The following NAV1 variants were observed in gnomAD, a reference collection of about 807,000 sequenced individuals.
NAV1 encodes the protein neuron navigator 1, also known as pore membrane and/or filament interacting like protein 3.
In NAV1, 18 loss-of-function variants were observed where a neutral mutation model predicts 175.2. That is an observed-to-expected ratio of 0.10 (90% CI 0.07 to 0.15). The LOEUF (loss-of-function observed/expected upper bound fraction) is 0.15, where lower values mean the gene tolerates loss of function less well. Among genes scored for constraint, NAV1 ranks in the 10% least tolerant of loss-of-function variants. NAV1 has a pLI of 1.00. For missense variants in NAV1, 1,731 were observed against 2,436.6 expected (o/e 0.71, Z 6.10); for synonymous variants, 897 against 978.7 (o/e 0.92, Z 1.56).
At chr1:201,712,548 T>C (rs1671950887) in intron 1 of NAV1, among the ~76,000 whole-genome samples, 1 of 152,146 alleles carries the variant, frequency 6.6e-6, no homozygotes, top group African/African-American at 2.4e-5. Flanking sequence ...AGGCAGTTCC[T>C]TGGGGGCTCT....
chr1:201,803,734 G>A lies in NAV1; in HGVS notation c.3639+20G>A. 1 of 1,443,698 alleles carries A rather than the reference G, an allele frequency of 6.9e-7. No homozygotes were observed. Among genetic ancestry groups the A allele is most frequent in the Non-Finnish European group, 9.1e-7 (1 of 1,097,348 alleles). The allele number at this position is 1,443,698 out of a possible 1,614,324, so 89.4% of individuals were successfully genotyped here. On this transcript the variant is annotated intron_variant, in intron 16 of 29. Coordinates refer to ENST00000367296, the Ensembl canonical transcript of NAV1. ...AGTTGGGTAGGTAAAGGTTTGGGGG[G>A]TGGGAAGTAGGTAGAACCGTGGTGG...
chr1:201,580,571 G>A (rs149550609), intron 1 of NAV1, among the ~76,000 whole-genome samples: 1,796 of 152,160 alleles, frequency 0.012, 14 homozygotes, highest in South Asian at 0.023. Flanking sequence ...TCAGGAGTTC[G>A]AGACCAGCCT....
intron 2 of NAV1, among the ~76,000 whole-genome samples, chr1:201,713,467 C>A (rs1048374897): frequency 5.3e-5 from 8 of 152,310 alleles, no homozygotes; most frequent in African/African-American, 1.9e-4. Flanking sequence ...TTAGGTGTGT[C>A]CCCCTAGCCC....
Position 201,654,109 on chromosome 1 carries a change from C to T in NAV1, c.757+4684C>T, listed in dbSNP as rs533237390. On this transcript the variant is annotated intron_variant, in intron 1 of 29. Coordinates refer to ENST00000367296, the Ensembl canonical transcript of NAV1. ...GTACCGCATGGATGAATAAGTAGGT[C>T]CTAGGGGCAGTTCCTCTGCCCTGGG... is the stretch of plus-strand genomic sequence containing the variant. Among the ~76,000 whole-genome samples the T allele has an allele frequency of 9.2e-5, 14 of 152,238 alleles. No homozygotes were observed. The East Asian group carries it at 2.7e-3, about 29-fold the overall frequency.
In NAV1 at chr1:201,681,558, C is replaced by G. The variant is rs2102399553; in HGVS notation, c.758-31259C>G. The stretch of plus-strand genomic sequence containing the variant: ...GCTTCCTGTTCGGTCCAGCTGGACT[C>G]CTTGCTCTCCCCCGAGTCAGCCTCA... On this transcript the variant is annotated intron_variant, in intron 1 of 29. Coordinates refer to ENST00000367296, the Ensembl canonical transcript of NAV1. Among the ~76,000 whole-genome samples the G allele has an allele frequency of 1.3e-5, 2 of 152,340 alleles. 1 individual carries two copies. Among genetic ancestry groups the G allele is most frequent in the South Asian group, 4.1e-4 (2 of 4,828 alleles).
exon 1 of NAV1, chr1:201,648,452 C>G (rs529072058): frequency 8.1e-7 from 1 of 1,232,292 alleles, no homozygotes; most frequent in African/African-American, 1.6e-5. Flanking sequence ...TCCTTTTTCC[C>G]GGCTTCCTTC....
intron 3 of NAV1, chr1:201,733,293 T>A (rs1387973043): frequency 6.6e-6 from 1 of 151,662 alleles, no homozygotes; most frequent in Non-Finnish European, 1.5e-5. Context: ...GGCAGGAGAA[T>A]GGCATGAACC....
At chr1:201,733,830 G>A (rs1672970534) in intron 3 of NAV1, among the ~76,000 whole-genome samples, 1 of 152,214 alleles carries the variant, frequency 6.6e-6, no homozygotes, top group South Asian at 2.1e-4. Context: ...CAAGTGGCCA[G>A]AAATGAGGTC....
chr1:201,612,639 T>G (rs1242987455), intron 2 of NAV1, among the ~76,000 whole-genome samples: 1 of 152,184 alleles, frequency 6.6e-6, no homozygotes, highest in Non-Finnish European at 1.5e-5. Flanking sequence ...CAAGTCTCTT[T>G]TATGAAGGGA....
chr1:201,566,609 T>C (rs1445709685), intron 1 of NAV1, among the ~76,000 whole-genome samples: 1 of 152,178 alleles, frequency 6.6e-6, no homozygotes, highest in Non-Finnish European at 1.5e-5. Context: ...TCTTCTTCCC[T>C]TGGGATGACG....
intron 2 of NAV1, among the ~76,000 whole-genome samples, chr1:201,715,442 G>A (rs1672099331): frequency 6.6e-6 from 1 of 152,188 alleles, no homozygotes; most frequent in Non-Finnish European, 1.5e-5. Flanking sequence ...TTACAGGTGT[G>A]AGCCACCACG....
intron 1 of NAV1, among the ~76,000 whole-genome samples, chr1:201,691,013 G>A (rs1670909517): frequency 6.6e-6 from 1 of 152,218 alleles, no homozygotes; most frequent in East Asian, 1.9e-4. Flanking sequence ...AATCCAGGAA[G>A]TGAAGCTTGG....
chr1:201,793,694 G>A (rs185976742), intron 13 of NAV1, 98 bp from the exon 18 acceptor site: 39 of 1,041,620 alleles, frequency 3.7e-5, no homozygotes, highest in African/African-American at 3.7e-4. Flanking sequence ...GGTCAGCTCC[G>A]AGATACAGGA....
intron 1 of NAV1, among the ~76,000 whole-genome samples, chr1:201,563,790 T>C (rs941329375): frequency 1.3e-5 from 2 of 151,776 alleles, no homozygotes; most frequent in African/African-American, 2.4e-5. Flanking sequence ...TGGGATCCGA[T>C]TCTCTTTGGA....
At chr1:201,729,111 C>T (rs1421930224) in intron 3 of NAV1, among the ~76,000 whole-genome samples, 1 of 152,176 alleles carries the variant, frequency 6.6e-6, no homozygotes, top group Non-Finnish European at 1.5e-5. Flanking sequence ...TGTCCACTGT[C>T]TCCCCTCTTT....
intron 3 of NAV1, among the ~76,000 whole-genome samples, chr1:201,734,485 G>GGAA (rs1174192693): frequency 3.2e-5 from 1 of 30,830 alleles, no homozygotes; most frequent in Non-Finnish European, 8.1e-5. Context: ...AGGAGGAGGA[G>GGAA]GAAGAAGGAG....
At chr1:201,823,653 T>C (rs770583421) in exon 30 of NAV1, 1 of 152,200 alleles carries the variant, frequency 6.6e-6, no homozygotes, top group Non-Finnish European at 1.5e-5. Flanking sequence ...GTTTTAGTCT[T>C]GAATTGCCAA....
intron 3 of NAV1, among the ~76,000 whole-genome samples, chr1:201,767,478 T>C (rs1182179420): frequency 6.6e-6 from 1 of 152,048 alleles, no homozygotes. Context: ...AAATAAAAAG[T>C]AAAACAGGTA....
intron 2 of NAV1, among the ~76,000 whole-genome samples, chr1:201,592,258 G>A (rs1667221510): frequency 6.6e-6 from 1 of 152,210 alleles, no homozygotes. Context: ...GCAAGTCTTT[G>A]TGGAATCAGC....
Sources: allele counts gnomAD v4.1 joint callset (sites outside exome capture counted in the v4.1 genomes callset), GRCh38; gene constraint gnomAD v4.1.1; transcripts MANE v1.5; gene names NCBI Gene and HGNC (gene_info 2026-07-23, HGNC 2026-07-21).